Variants in SAMSN1 observed in about 807,000 individuals in gnomAD.
SAMSN1 encodes the protein SAM domain, SH3 domain and nuclear localization signals 1.
Under a neutral mutation model 42.0 loss-of-function variants are expected in SAMSN1, and 31 were observed. The ratio of observed to expected loss-of-function variants is 0.74; its 90% CI spans 0.55 to 1.00. The LOEUF (loss-of-function observed/expected upper bound fraction) is 1.00. Ranked by LOEUF, SAMSN1 falls within the 50% of genes least tolerant of loss-of-function variation. SAMSN1 has a pLI of 0.00. For synonymous variants in SAMSN1, 178 were observed against 151.9 expected (o/e 1.17, Z -1.26); for missense variants, 464 against 439.4 (o/e 1.06, Z -0.50).
intron 2 of SAMSN1, chr21:14,619,711 C>T (rs1026663188): frequency 1.4e-5 from 4 of 292,512 alleles, no homozygotes; most frequent in Non-Finnish European, 3.0e-5. Flanking sequence ...TAAAATAATA[C>T]ACACTTATTT....
intron 2 of SAMSN1, among the ~76,000 whole-genome samples, chr21:14,616,603 C>A (rs557251206): frequency 6.6e-6 from 1 of 152,138 alleles, no homozygotes; most frequent in Non-Finnish European, 1.5e-5. Context: ...TTTTCACCAT[C>A]CTTGAAACAG....
At position 14,570,019 on chromosome 21, in the gene SAMSN1, T is replaced by A. The variant is rs554387743; in HGVS notation, c.261+12117A>T. On this transcript the variant is annotated intron_variant, in intron 2 of 8. Coordinates refer to the SAMSN1 transcript ENST00000285670. ...CAGTTTTTCACTTGACACCTTGTCA[T>A]GAGTTACAGTGGCTTGCATCAATCA... 2.6e-5 allele frequency among the ~76,000 whole-genome samples: 4 copies of A among 151,146 alleles called. No homozygotes were observed. The South Asian group carries it at 8.4e-4, about 32-fold the overall frequency.
intron 5 of SAMSN1, among the ~76,000 whole-genome samples, chr21:14,502,211 G>T (rs1362189490): frequency 6.6e-6 from 1 of 151,900 alleles, no homozygotes; most frequent in Non-Finnish European, 1.5e-5. Context: ...GAACTAACTG[G>T]TCTATCTTGT....
chr21:14,646,053 T>C (rs190915462), intron 1 of SAMSN1, among the ~76,000 whole-genome samples: 233 of 152,276 alleles, frequency 1.5e-3, no homozygotes, highest in African/African-American at 5.3e-3. Flanking sequence ...TAAGAGTTAT[T>C]GGCCTTAAAG....
At chr21:14,504,377 A>C (rs1470721374) in intron 5 of SAMSN1, among the ~76,000 whole-genome samples, 1 of 152,208 alleles carries the variant, frequency 6.6e-6, no homozygotes, top group East Asian at 1.9e-4. Flanking sequence ...TGAAGGGAGA[A>C]ATATTCAAGG....
At chr21:14,540,015 C>A (rs1199506432) in intron 1 of SAMSN1, among the ~76,000 whole-genome samples, 1 of 152,130 alleles carries the variant, frequency 6.6e-6, no homozygotes, top group Non-Finnish European at 1.5e-5. Context: ...TGATCTTTGA[C>A]AAACCTGAGA....
chr21:14,521,023 C>T lies in SAMSN1; in HGVS notation c.129+127G>A. On this transcript the variant is annotated intron_variant, in intron 2 of 7. Transcript: ENST00000400566. The stretch of plus-strand genomic sequence containing the variant: ...ATGGTTTGTTCATTTATCACAAAAA[C>T]ATATGCAAGGCTATAATTTTAAAAT... The T allele has an allele frequency of 7.7e-6, 5 of 651,678 alleles. No homozygotes were observed. In the South Asian group the frequency reaches 8.3e-5, roughly 11 times the overall value. The allele number at this position is 651,678 out of a possible 1,614,324, so 40.4% of individuals were successfully genotyped here. A position where few individuals can be genotyped will look rare whatever the true frequency, so the allele number is the denominator to read the frequency against.
intron 2 of SAMSN1, among the ~76,000 whole-genome samples, chr21:14,517,478 T>C (rs893544550): frequency 3.9e-5 from 6 of 152,230 alleles, no homozygotes; most frequent in Non-Finnish European, 5.9e-5. Context: ...CCTTAAAATA[T>C]CCTCTTGCTT....
intron 3 of SAMSN1, among the ~76,000 whole-genome samples, chr21:14,513,811 A>G (rs969983374): frequency 6.6e-6 from 1 of 152,174 alleles, no homozygotes; most frequent in Non-Finnish European, 1.5e-5. Context: ...AAATAATTGA[A>G]CTCAGAATTA....
chr21:14,561,270 C>A (rs185533527), intron 2 of SAMSN1, among the ~76,000 whole-genome samples: 1 of 152,108 alleles, frequency 6.6e-6, no homozygotes, highest in African/African-American at 2.4e-5. Flanking sequence ...CAGCAGCACC[C>A]ATTCCCTAAC....
chr21:14,624,016 T>C (rs183663003), intron 2 of SAMSN1, among the ~76,000 whole-genome samples: 35 of 152,264 alleles, frequency 2.3e-4, no homozygotes, highest in African/African-American at 8.4e-4. Flanking sequence ...CAACCTGCTC[T>C]TGAATGACTA....
intron 5 of SAMSN1, among the ~76,000 whole-genome samples, chr21:14,607,369 A>G (rs932106547): frequency 1.3e-5 from 2 of 152,234 alleles, no homozygotes; most frequent in Non-Finnish European, 2.9e-5. Flanking sequence ...CACTATACCC[A>G]TAAAATTTGA....
At position 14,565,053 on chromosome 21, in the gene SAMSN1, G is replaced by T. The variant is rs188342579; in HGVS notation, c.261+17083C>A. 2.2e-3 allele frequency among the ~76,000 whole-genome samples: 334 copies of T among 152,200 alleles called. 1 individual carries two copies. The highest frequency in any genetic ancestry group is 3.6e-3 in the Non-Finnish European group (244 of 68,012). On this transcript the variant is annotated intron_variant, in intron 2 of 8. Transcript: ENST00000285670. ...CTCACACCTGTAATCCCAGCACTTT[G>T]GGAGGCTGAGGTGGGTGGATCACTT...
chr21:14,493,860 A>T (rs1013924515), intron 7 of SAMSN1, among the ~76,000 whole-genome samples: 3 of 152,098 alleles, frequency 2.0e-5, no homozygotes, highest in African/African-American at 7.2e-5. Context: ...CAAATTCCAA[A>T]TATCTATGCT....
At chr21:14,567,097 TAC>T (rs1258936095) in intron 2 of SAMSN1, among the ~76,000 whole-genome samples, 2 of 152,134 alleles carry the variant, frequency 1.3e-5, no homozygotes, top group African/African-American at 4.8e-5. Flanking sequence ...CCTTCGGTCA[TAC>T]AGAGTGGTAT....
At chr21:14,644,716 C>T (rs1322345605) in intron 1 of SAMSN1, among the ~76,000 whole-genome samples, 2 of 152,104 alleles carry the variant, frequency 1.3e-5, no homozygotes, top group Non-Finnish European at 2.9e-5. Context: ...TGACTGGGCT[C>T]TTGTAATCTC....
Position 14,620,810 on chromosome 21 carries a change from TTAGA to T in SAMSN1, c.157-4798_157-4795del, listed in dbSNP as rs914430364. Among the ~76,000 whole-genome samples the T allele has an allele frequency of 1.8e-4, 27 of 152,302 alleles. No individual in the cohort carries two copies. The South Asian group carries it at 3.7e-3, about 21-fold the overall frequency. On this transcript the variant is annotated intron_variant, in intron 2 of 15. Coordinates refer to the SAMSN1 transcript ENST00000647101. ...TATTAGATACATTGTTTATTAATAG[TTAGA>T]TAGAATTCTGATTTTGAAGTGAATT...
intron 5 of SAMSN1, among the ~76,000 whole-genome samples, chr21:14,603,381 G>A (rs1378301747): frequency 6.6e-6 from 1 of 152,152 alleles, no homozygotes; most frequent in Non-Finnish European, 1.5e-5. Flanking sequence ...ACACAAGGCA[G>A]AAAAATGAGT....
intron 7 of SAMSN1, among the ~76,000 whole-genome samples, chr21:14,491,756 G>A (rs1386257964): frequency 6.6e-6 from 1 of 152,100 alleles, no homozygotes; most frequent in Admixed American, 6.6e-5. Context: ...ATTTTCTCCT[G>A]TTGGTCTGTC....
Sources: allele counts gnomAD v4.1 joint callset (sites outside exome capture counted in the v4.1 genomes callset), GRCh38; gene constraint gnomAD v4.1.1; transcripts MANE v1.5; gene names NCBI Gene and HGNC (gene_info 2026-07-23, HGNC 2026-07-21).